Variants in DOCK8 observed in about 807,000 individuals in gnomAD.
DOCK8 encodes the protein dedicator of cytokinesis 8.
A neutral mutation model predicts 245.6 loss-of-function variants in DOCK8; 141 were observed. The ratio of observed to expected loss-of-function variants is 0.57; its 90% CI spans 0.50 to 0.66. The LOEUF (loss-of-function observed/expected upper bound fraction) is 0.66, where lower values mean the gene tolerates loss of function less well. Ranked by LOEUF, DOCK8 falls within the 30% of genes least tolerant of loss-of-function variation. DOCK8 has a pLI of 0.00. For synonymous variants in DOCK8, 1,168 were observed against 970.2 expected (o/e 1.20, Z -3.79); for missense variants, 2,965 against 2,603.4 (o/e 1.14, Z -3.02).
Position 304,647 on chromosome 9 carries a change from G to T in DOCK8, c.471G>T (p.Thr157=), listed in dbSNP as rs370904615. 4 of 1,614,154 alleles carry T rather than the reference G, an allele frequency of 2.5e-6. No individual in the cohort carries two copies. The highest frequency in any genetic ancestry group is 1.1e-5 in the South Asian group (1 of 91,082). ...GATCTCGAAAAGATTTTCACAAGACGCTTCCGAAACAGACGTTTGAGTCGG... is the reference window on the plus strand; with the variant it reads ...GATCTCGAAAAGATTTTCACAAGACTCTTCCGAAACAGACGTTTGAGTCGG... ...KTGSRKDFHK[T]LPKQTFESET... is the part of the protein sequence containing the mutation. The change falls in exon 5 of 48, where the codon ACG becomes ACT. Residue 157 remains threonine, a synonymous_variant. Coordinates refer to ENST00000432829, the MANE Select transcript of DOCK8 (RefSeq NM_203447.4).
At chr9:336,898 T>C (rs1461081471) in intron 12 of DOCK8, among the ~76,000 whole-genome samples, 180 bp downstream of exon 12, 1 of 152,110 alleles carries the variant, frequency 6.6e-6, no homozygotes, top group Non-Finnish European at 1.5e-5. Flanking sequence ...AGAAAAGGGA[T>C]TTGTTTCTTT....
chr9:273,894 C>G (rs961660805), intron 2 of DOCK8, among the ~76,000 whole-genome samples: 2 of 151,966 alleles, frequency 1.3e-5, no homozygotes, highest in Non-Finnish European at 2.9e-5. Context: ...TGAGTAGAGA[C>G]GGGGTTTCTC....
At chr9:283,825 A>G (rs762880477) in intron 2 of DOCK8, among the ~76,000 whole-genome samples, 1 of 152,266 alleles carries the variant, frequency 6.6e-6, no homozygotes, top group African/African-American at 2.4e-5. Flanking sequence ...TATATGAAAC[A>G]TAAATGAATT....
chr9:315,403 T>C (rs1202619571), intron 6 of DOCK8, among the ~76,000 whole-genome samples: 1 of 152,196 alleles, frequency 6.6e-6, no homozygotes, highest in Non-Finnish European at 1.5e-5. Context: ...TGAGGAAATA[T>C]ATCACCCAAA....
intron 16 of DOCK8, among the ~76,000 whole-genome samples, chr9:371,177 T>C (rs1461813105): frequency 6.6e-6 from 1 of 151,154 alleles, no homozygotes; most frequent in Non-Finnish European, 1.5e-5. Context: ...GGAGTTGTTT[T>C]TTGTTTTTTG....
At chr9:371,140 AGTT>A (rs765713534) in intron 16 of DOCK8, among the ~76,000 whole-genome samples, 6 of 152,016 alleles carry the variant, frequency 3.9e-5, no homozygotes, top group Non-Finnish European at 5.9e-5. Flanking sequence ...CTTCAAATTA[AGTT>A]GTTGGAGTTT....
rs766104961 is a variant in DOCK8, at chr9:215,094, T to C, written c.53+65T>C. 1.2e-4 allele frequency: 175 copies of C among 1,517,748 alleles called. 1 individual carries two copies. The highest frequency in any genetic ancestry group is 1.4e-4 in the Non-Finnish European group (165 of 1,141,144). 94.0% of individuals were successfully genotyped at this position (1,517,748 alleles called of 1,614,324 possible). On this transcript the variant is annotated intron_variant, in intron 1 of 47. Transcript: ENST00000432829. ...GCCCAGCGCTGGTGTGAAGCGGAGC[T>C]TCGCTGCAGGGGCCGAGGCCGGACG...
At chr9:313,250 A>C (rs1025847248) in intron 6 of DOCK8, among the ~76,000 whole-genome samples, 27 of 152,238 alleles carry the variant, frequency 1.8e-4, no homozygotes, top group African/African-American at 5.8e-4. Flanking sequence ...ACATCTTCCG[A>C]GAAAGAAGAA....
At chr9:263,473 A>G (rs1587686166) in intron 1 of DOCK8, among the ~76,000 whole-genome samples, 2 of 152,176 alleles carry the variant, frequency 1.3e-5, no homozygotes, top group South Asian at 4.1e-4. Flanking sequence ...TAAACTTCAC[A>G]TTATTATCAT....
chr9:240,348 A>G (rs1303584917), intron 1 of DOCK8, among the ~76,000 whole-genome samples: 1 of 151,906 alleles, frequency 6.6e-6, no homozygotes, highest in African/African-American at 2.4e-5. Context: ...TTGGACAAAT[A>G]CTATTAATTC....
chr9:331,387 T>C (rs1256014026), intron 9 of DOCK8, among the ~76,000 whole-genome samples: 3 of 152,134 alleles, frequency 2.0e-5, no homozygotes, highest in Non-Finnish European at 4.4e-5. Flanking sequence ...CTGCTTGGAG[T>C]CCTCCCTGAA....
intron 1 of DOCK8, among the ~76,000 whole-genome samples, chr9:247,431 T>A (rs1440368493): frequency 2.0e-5 from 3 of 152,234 alleles, no homozygotes; most frequent in South Asian, 4.1e-4. Context: ...GTAGCATCCA[T>A]TTGTCATTTT....
chr9:368,276 C>A (rs748163927), intron 15 of DOCK8, 141 bp downstream of exon 15: 2 of 804,674 alleles, frequency 2.5e-6, no homozygotes, highest in Non-Finnish European at 2.3e-6. Context: ...GGCTTCTGTG[C>A]CCAGGATATC....
In DOCK8 at chr9:379,999, T is replaced by C. The variant is rs566744109; in HGVS notation, c.2605+64T>C. On this transcript the variant is annotated intron_variant, in intron 21 of 47. Coordinates refer to ENST00000432829, the MANE Select transcript of DOCK8 (RefSeq NM_203447.4). ...CAACACCACCTCCACCCCACTGCAGTGTAATCCAAAATAAAACATCCTATG... is the reference window on the plus strand; with the variant it reads ...CAACACCACCTCCACCCCACTGCAGCGTAATCCAAAATAAAACATCCTATG... 6.4e-5 allele frequency: 100 copies of C among 1,556,264 alleles called. No homozygotes were observed. The South Asian group carries it at 1.1e-3, about 17-fold the overall frequency.
chr9:403,892 C>CTCTATATA (rs1362630372), intron 26 of DOCK8, among the ~76,000 whole-genome samples: 1 of 73,784 alleles, frequency 1.4e-5, no homozygotes, highest in Non-Finnish European at 2.3e-5. Context: ...CTCTCTCTCT[C>CTCTATATA]TATATATATA....
chr9:340,613 T>A, intron 14 of DOCK8: 1 of 228,282 alleles, frequency 4.4e-6, no homozygotes, highest in Non-Finnish European at 8.4e-6. Flanking sequence ...AGAACCAGAC[T>A]CTGTCTCAAA....
At chr9:303,123 G>A (rs2049634304) in intron 4 of DOCK8, among the ~76,000 whole-genome samples, 1 of 151,724 alleles carries the variant, frequency 6.6e-6, no homozygotes, top group South Asian at 2.1e-4. Context: ...TCACACCACT[G>A]CACTCCATCC....
At chr9:384,110 A>T (rs369864480) in intron 22 of DOCK8, among the ~76,000 whole-genome samples, 94 of 142,862 alleles carry the variant, frequency 6.6e-4, no homozygotes, top group African/African-American at 2.1e-3. Context: ...AATTTCTTAG[A>T]CTTTCTTTGT....
chr9:394,195 G>A (rs555479925), intron 24 of DOCK8, among the ~76,000 whole-genome samples: 1 of 152,220 alleles, frequency 6.6e-6, no homozygotes, highest in South Asian at 2.1e-4. Flanking sequence ...AAGGTTAAGG[G>A]GGCCTGAGTG....
Sources: gnomAD v4.1 joint callset for allele counts (sites outside exome capture counted in the v4.1 genomes callset) on GRCh38, gnomAD v4.1.1 for gene constraint, MANE v1.5 for transcripts, NCBI Gene and HGNC (gene_info 2026-07-23, HGNC 2026-07-21) for gene names.